Variants in CNP observed in about 807,000 individuals in gnomAD.
CNP encodes 2',3'-cyclic-nucleotide 3'-phosphodiesterase.
Under a neutral mutation model 37.9 loss-of-function variants are expected in CNP, and 8 were observed. The ratio of observed to expected loss-of-function variants is 0.21; its 90% CI spans 0.12 to 0.38. The LOEUF (loss-of-function observed/expected upper bound fraction) is 0.38, where lower values mean the gene tolerates loss of function less well. Ranked by LOEUF, CNP falls within the 10% of genes least tolerant of loss-of-function variation. The probability of loss-of-function intolerance (pLI) is 1.00; values close to 1 mark genes in which losing one functional copy is unlikely to be tolerated. For synonymous variants in CNP, 237 were observed against 238.3 expected, an observed-to-expected ratio of 0.99 and a Z score of 0.05; for missense variants, 457 against 551.0, an observed-to-expected ratio of 0.83 and a Z score of 1.71.
chr17:41,968,293 G>A lies in CNP; in HGVS notation c.229G>A (p.Gly77Ser), dbSNP rs2050933239. The change falls in exon 2 of 4, where the codon GGC (glycine) becomes AGC (serine). Residue 77 changes from glycine (G) to serine (S), a missense_variant. Gly to Ser is a moderately conservative substitution (Grantham distance 56, BLOSUM62 0). This residue lies in a region of CNP where 166 missense variants were observed against 259.3 expected (regional missense o/e 0.64). Transcript: ENST00000393892. This position sits in a 1 kb window ranked among gnomAD's most constrained non-coding sequence, Gnocchi z 4.8. ...ARVIVDKYRD[G>S]TKMVSADAYK... ...GGTCATCGTGGACAAGTACCGTGAT[G>A]GCACCAAGATGGTGTCGGCTGACGC... is the stretch of plus-strand genomic sequence containing the variant. 1 of 1,613,994 alleles carries A rather than the reference G, an allele frequency of 6.2e-7. No individual in the cohort carries two copies. The highest frequency in any genetic ancestry group is 1.7e-5 in the Admixed American group (1 of 59,990).
In CNP at chr17:41,968,811, T is replaced by C. The variant is rs1487768461; in HGVS notation, c.676+71T>C. On this transcript the variant is annotated intron_variant, in intron 2 of 3. Coordinates refer to ENST00000393892, the MANE Select transcript of CNP (RefSeq NM_033133.5). This position sits in a 1 kb window ranked among gnomAD's most constrained non-coding sequence, Gnocchi z 4.8. ...GGGTGCTGCGGGCAAAGGACCATCATTGTACTCAAAGGATGGAGCACGAAG... is the reference window on the plus strand; with the variant it reads ...GGGTGCTGCGGGCAAAGGACCATCACTGTACTCAAAGGATGGAGCACGAAG... 1 of 1,477,714 alleles carries C rather than the reference T, an allele frequency of 6.8e-7. No homozygotes were observed. The highest frequency in any genetic ancestry group is 9.0e-7 in the Non-Finnish European group (1 of 1,106,520). 91.5% of individuals were successfully genotyped at this position (1,477,714 alleles called of 1,614,324 possible).
rs56316666 is a variant in CNP, at chr17:41,975,847, C to T, written c.*1923C>T. ...GGAAGGCTACTCACCTTGAACACCA[C>T]GCTTGACAGGACAGCATGGTGCATG... On this transcript the variant is annotated 3_prime_UTR_variant, in exon 4 of 4. Transcript: ENST00000393892. The T allele has an allele frequency of 0.067, 10,228 of 152,316 alleles. 454 individuals carry two copies. The highest frequency in any genetic ancestry group is 0.13 in the African/African-American group (5,416 of 41,534). The allele number at this position is 152,316 out of a possible 1,614,324, so 9.4% of individuals were successfully genotyped here.
chr17:41,972,951 CAGGTT>C (rs2051012113), intron 3 of CNP, among the ~76,000 whole-genome samples: 1 of 152,182 alleles, frequency 6.6e-6, no homozygotes, highest in African/African-American at 2.4e-5. Context: ...AGTGTAAGAG[CAGGTT>C]TCCATCAAGG....
At position 41,973,457 on chromosome 17, in the gene CNP, C is replaced by T. The variant is rs200914994; in HGVS notation, c.817-18C>T. 6.2e-6 allele frequency: 10 copies of T among 1,602,290 alleles called. No individual in the cohort carries two copies. The East Asian group carries it at 2.2e-4, about 36-fold the overall frequency. Reference sequence around the variant, plus strand: ...CCTGCCATCTCTAGCTTGGGCCCCTCTTTCTCACTCTCCCCAGGTGTTAAA... The same window carrying T: ...CCTGCCATCTCTAGCTTGGGCCCCTTTTTCTCACTCTCCCCAGGTGTTAAA... On this transcript the variant is annotated intron_variant, in intron 3 of 3. Transcript: ENST00000393892.
rs782373869 is a variant in CNP at position 41,968,688 on chromosome 17, C to T, written c.624C>T (p.Val208=). ...AGACCCTCCGCAAAGCCGGCCAGGT[C>T]TTCCTGGAAGAGCTGGGGAACCACA... The part of the protein sequence containing the change: ...SSETLRKAGQ[V]FLEELGNHKA... Residue 208 remains valine, a synonymous_variant, in exon 2 of 4, where the codon GTC becomes GTT. Coordinates refer to ENST00000393892, the MANE Select transcript of CNP (RefSeq NM_033133.5). This position sits in a 1 kb window ranked among gnomAD's most constrained non-coding sequence, Gnocchi z 4.8. The T allele has an allele frequency of 2.0e-5, 33 of 1,613,818 alleles. No individual in the cohort carries two copies.
In CNP at chr17:41,973,611, C is replaced by A; in HGVS notation, c.953C>A (p.Ser318Ter). ...TGGCCGAGTGATGTGGACAAGCTGT[C>A]ACCCACTGACAACCTGCCGCGGGGG... ...QLWPSDVDKL[S>*]PTDNLPRGSR... The change falls in exon 4 of 4, where the codon TCA (serine) becomes TAA (stop). Residue 318 changes from serine (S) to a stop codon, truncating the protein, a stop_gained. Transcript: ENST00000393892. LOFTEE classifies it high-confidence loss of function. 1 of 1,614,192 alleles carries A rather than the reference C, an allele frequency of 6.2e-7. No homozygotes were observed. Among genetic ancestry groups the A allele is most frequent in the Non-Finnish European group, 8.5e-7 (1 of 1,180,038 alleles).
At position 41,968,400 on chromosome 17, in the gene CNP, C is replaced by T; in HGVS notation, c.336C>T (p.Arg112=). The change falls in exon 2 of 4, where the codon CGC becomes CGT. Residue 112 remains arginine (R), a synonymous_variant. Transcript: ENST00000393892. The surrounding 1 kb of genome is among the most constrained non-coding windows in gnomAD (Gnocchi z 4.8). ...RLDEDLAAYC[R]RRDIRILVLD... ...ATGAGGACCTGGCTGCCTACTGCCGCCGCCGGGACATCAGAATTCTTGTGC... is the reference window on the plus strand; with the variant it reads ...ATGAGGACCTGGCTGCCTACTGCCGTCGCCGGGACATCAGAATTCTTGTGC... 2 of 1,614,142 alleles carry T rather than the reference C, an allele frequency of 1.2e-6. No homozygotes were observed. Among genetic ancestry groups the T allele is most frequent in the Non-Finnish European group, 1.7e-6 (2 of 1,180,028 alleles).
rs1008005432 is a variant in CNP, at chr17:41,975,489, A to G, written c.*1565A>G. 2 of 152,502 alleles carry G rather than the reference A, an allele frequency of 1.3e-5. No homozygotes were observed. Among genetic ancestry groups the G allele is most frequent in the Non-Finnish European group, 2.9e-5 (2 of 68,060 alleles). The allele number at this position is 152,502 out of a possible 1,614,324, so 9.4% of individuals were successfully genotyped here. On this transcript the variant is annotated 3_prime_UTR_variant, in exon 4 of 4. Coordinates refer to ENST00000393892, the MANE Select transcript of CNP (RefSeq NM_033133.5). ...GTGTCCCCAGCCCACTGGATCAGAAAGAGTTCAGTAAGACCGGAAGCTCCT... is the reference window on the plus strand; with the variant it reads ...GTGTCCCCAGCCCACTGGATCAGAAGGAGTTCAGTAAGACCGGAAGCTCCT...
At chr17:41,973,307 G>C (rs1436270763) in intron 3 of CNP, among the ~76,000 whole-genome samples, 168 bp from the exon 4 acceptor site, 1 of 152,222 alleles carries the variant, frequency 6.6e-6, no homozygotes, top group Non-Finnish European at 1.5e-5. Flanking sequence ...TATGGAAGGT[G>C]CGTGCCGCAG....
chr17:41,969,945 T>G (rs1339976573), intron 2 of CNP, among the ~76,000 whole-genome samples: 8 of 152,234 alleles, frequency 5.3e-5, no homozygotes, highest in African/African-American at 1.9e-4. Context: ...GCAGGGAATT[T>G]GTGCCTGTAT....
At position 41,968,023 on chromosome 17, in the gene CNP, G is replaced by A. The variant is rs2050928911; in HGVS notation, c.4-45G>A. On this transcript the variant is annotated intron_variant, in intron 1 of 3. Transcript: ENST00000393892. The surrounding 1 kb of genome is among the most constrained non-coding windows in gnomAD (Gnocchi z 4.8). ...GGACTAGGGGTAAGGCCGGCGGGGA[G>A]CCCGCGAATGACCTGGGCTGACATC... 7 of 1,572,166 alleles carry A rather than the reference G, an allele frequency of 4.5e-6. No homozygotes were observed. Among genetic ancestry groups the A allele is most frequent in the Non-Finnish European group, 6.1e-6 (7 of 1,156,436 alleles).
chr17:41,969,316 A>T (rs2050950244), intron 2 of CNP, among the ~76,000 whole-genome samples: 1 of 152,156 alleles, frequency 6.6e-6, no homozygotes, highest in Non-Finnish European at 1.5e-5. Context: ...TCTCACACTT[A>T]GGCCAAAACC....
At chr17:41,970,164 T>G (rs1555643587) in intron 2 of CNP, 1 of 150,116 alleles carries the variant, frequency 6.7e-6, no homozygotes, top group African/African-American at 2.5e-5. Flanking sequence ...TGGCATGATC[T>G]CGGCTCACTG....
At chr17:41,971,863 C>A (rs1261811526) in intron 2 of CNP, 29 bp from the exon 3 acceptor site, 5 of 1,613,342 alleles carry the variant, frequency 3.1e-6, no homozygotes, top group Non-Finnish European at 4.2e-6. Flanking sequence ...TGCTCCCCTG[C>A]CCTGACTGCA....
intron 3 of CNP, among the ~76,000 whole-genome samples, chr17:41,972,780 C>T (rs1015781068): frequency 2.0e-4 from 30 of 152,348 alleles, no homozygotes; most frequent in African/African-American, 6.5e-4. Flanking sequence ...GCTACCATCC[C>T]TAACCATGCC....
In CNP at chr17:41,976,750, A is replaced by C; in HGVS notation, c.*2826A>C. ...GCCCTTCATTAGCCAAATTGAAAAA[A>C]GAAATTCCCTGGACCAGATGCTGAA... On this transcript the variant is annotated 3_prime_UTR_variant, in exon 4 of 4. Coordinates refer to ENST00000393892, the MANE Select transcript of CNP (RefSeq NM_033133.5). 1 of 1,611,370 alleles carries C rather than the reference A, an allele frequency of 6.2e-7. No individual in the cohort carries two copies. The highest frequency in any genetic ancestry group is 8.5e-7 in the Non-Finnish European group (1 of 1,179,446).
Position 41,977,067 on chromosome 17 carries a change from G to A in CNP, c.*3143G>A. ...CCCTGCAGAGATGCGGTGGCTAAAG[G>A]TCCCAAGGCAAGGGGTGCCTGGGAA... On this transcript the variant is annotated 3_prime_UTR_variant, in exon 4 of 4. Transcript: ENST00000393892. 1.5e-6 allele frequency: 1 copy of A among 675,106 alleles called. No homozygotes were observed. The highest frequency in any genetic ancestry group is 2.5e-6 in the Non-Finnish European group (1 of 399,288). The allele number at this position is 675,106 out of a possible 1,614,324, so 41.8% of individuals were successfully genotyped here.
At position 41,971,950 on chromosome 17, in the gene CNP, AC is replaced by A. The variant is rs1352175001; in HGVS notation, c.740del (p.Pro247GlnfsTer28). 1 of 1,611,700 alleles carries A rather than the reference AC, an allele frequency of 6.2e-7. No individual in the cohort carries two copies. Among genetic ancestry groups the A allele is most frequent in the African/African-American group, 1.4e-5 (1 of 74,048 alleles). ...MDLVTYFGKR[P>X]PGVLHCTTKF... ...ACTTGGTCACCTACTTTGGAAAGAG[AC>A]CCCCAGGCGTGCTGCATTGCACAAC... On this transcript the variant is annotated frameshift_variant, in exon 3 of 4. Transcript: ENST00000393892. LOFTEE classifies it high-confidence loss of function.
At chr17:41,966,919 A>T in intron 1 of CNP, 32 bp downstream of exon 1, 9 of 1,316,480 alleles carry the variant, frequency 6.8e-6, no homozygotes, top group Non-Finnish European at 8.7e-6. Context: ...GGCACGGGGT[A>T]GCACCAGGGC....
Sources: allele counts gnomAD v4.1 joint callset (sites outside exome capture counted in the v4.1 genomes callset), GRCh38; gene constraint gnomAD v4.1.1; regional missense constraint gnomAD v4.1.1; non-coding constraint Gnocchi (gnomAD v3.1); transcripts MANE v1.5; gene names NCBI Gene and HGNC (gene_info 2026-07-23, HGNC 2026-07-21).